The following KALRN variants were observed in gnomAD, a reference collection of about 807,000 sequenced individuals.
The protein encoded by KALRN is kalirin RhoGEF kinase.
In KALRN, 70 loss-of-function variants were observed where a neutral mutation model predicts 353.7. The observed-to-expected ratio is 0.20, with a 90% confidence interval of 0.16 to 0.24. KALRN has a LOEUF of 0.24. KALRN is among the 10% of genes least tolerant of loss of function. The pLI, the probability that KALRN is intolerant of heterozygous loss-of-function variation, is 1.00. For missense variants in KALRN, 2,791 were observed against 3,756.7 expected, an observed-to-expected ratio of 0.74 and a Z score of 6.72; for synonymous variants, 1,391 against 1,434.8, an observed-to-expected ratio of 0.97 and a Z score of 0.69.
intron 1 of KALRN, among the ~76,000 whole-genome samples, chr3:124,174,364 G>A (rs533410607): frequency 2.0e-5 from 3 of 152,252 alleles, no homozygotes; most frequent in African/African-American, 7.2e-5. Flanking sequence ...AACCCGGGAG[G>A]CAGAGGTTGC....
intron 6 of KALRN, among the ~76,000 whole-genome samples, chr3:124,319,105 G>T (rs915422457): frequency 1.3e-5 from 2 of 151,900 alleles, no homozygotes; most frequent in African/African-American, 4.8e-5. Context: ...AAGAGATGGG[G>T]ACATTTGAGT....
At chr3:124,154,666 C>T (rs1284940985) in intron 1 of KALRN, among the ~76,000 whole-genome samples, 2 of 152,138 alleles carry the variant, frequency 1.3e-5, no homozygotes, top group African/African-American at 2.4e-5. Flanking sequence ...GAATCAATAT[C>T]GTGAAAATGG....
At chr3:124,245,820 T>A (rs2081062727) in intron 3 of KALRN, among the ~76,000 whole-genome samples, 1 of 152,228 alleles carries the variant, frequency 6.6e-6, no homozygotes, top group Admixed American at 6.5e-5. Context: ...TATCTTCTTT[T>A]GAGAAATGTC....
intron 3 of KALRN, among the ~76,000 whole-genome samples, chr3:124,255,094 T>A (rs1178914202): frequency 6.6e-6 from 1 of 152,098 alleles, no homozygotes; most frequent in East Asian, 1.9e-4. Flanking sequence ...TACAGTCTCC[T>A]GCCACCACAC....
intron 1 of KALRN, among the ~76,000 whole-genome samples, chr3:124,200,901 A>T (rs1443924249): frequency 6.6e-6 from 1 of 152,096 alleles, no homozygotes; most frequent in Non-Finnish European, 1.5e-5. Context: ...TATTCCAAAA[A>T]CCTCTTTCCT....
rs962321198 is a variant in KALRN at position 124,629,397 on chromosome 3, T to C, written c.5183-3023T>C. ...CAGTAACAACAACAACAAAAAAAAC[T>C]CTTTTTATCATGTCATTTCCCAGTA... On this transcript the variant is annotated intron_variant, in intron 34 of 59. Coordinates refer to ENST00000682506, the MANE Select transcript of KALRN (RefSeq NM_001388419.1). Among the ~76,000 whole-genome samples, 4 of 152,176 alleles carry C rather than the reference T, an allele frequency of 2.6e-5. No homozygotes were observed. In the East Asian group the frequency reaches 5.8e-4, roughly 22 times the overall value.
chr3:124,242,392 G>A (rs77262421), intron 3 of KALRN, among the ~76,000 whole-genome samples: 2,865 of 152,314 alleles, frequency 0.019, 91 homozygotes, highest in African/African-American at 0.065. Context: ...CTGGCACACA[G>A]TCAGTATGAT....
intron 5 of KALRN, among the ~76,000 whole-genome samples, chr3:124,274,972 G>A (rs941141813): frequency 1.3e-5 from 2 of 152,286 alleles, no homozygotes; most frequent in Non-Finnish European, 2.9e-5. Context: ...GGGGTGACAC[G>A]TATCAATTGT....
chr3:124,606,822 C>T (rs750517092), intron 34 of KALRN, among the ~76,000 whole-genome samples: 1 of 151,878 alleles, frequency 6.6e-6, no homozygotes, highest in Non-Finnish European at 1.5e-5. Context: ...AGGGCAAAAG[C>T]GATGAAGATG....
At chr3:124,069,621 C>G (rs1348172357) in intron 1 of KALRN, among the ~76,000 whole-genome samples, 1 of 152,050 alleles carries the variant, frequency 6.6e-6, no homozygotes, top group East Asian at 1.9e-4. Flanking sequence ...TAAGAGAGTC[C>G]TTCATTGTGC....
At chr3:124,116,156 C>A (rs2063439844) in intron 1 of KALRN, among the ~76,000 whole-genome samples, 1 of 152,200 alleles carries the variant, frequency 6.6e-6, no homozygotes, top group African/African-American at 2.4e-5. Flanking sequence ...GGCCAGATAT[C>A]TTCTCTTTGG....
At chr3:124,626,119 A>G (rs1242644188) in intron 34 of KALRN, among the ~76,000 whole-genome samples, 1 of 152,216 alleles carries the variant, frequency 6.6e-6, no homozygotes, top group Admixed American at 6.5e-5. Context: ...CTAGATCTAC[A>G]TGTATGAACA....
chr3:124,591,494 T>C (rs1223530248), intron 34 of KALRN, among the ~76,000 whole-genome samples: 2 of 152,216 alleles, frequency 1.3e-5, no homozygotes, highest in East Asian at 3.8e-4. Context: ...TGAACATTGC[T>C]TTTTGTGTAA....
chr3:124,471,256 T>TTTTTTTTTA (rs377604411), intron 25 of KALRN, among the ~76,000 whole-genome samples: 42 of 138,806 alleles, frequency 3.0e-4, no homozygotes, highest in African/African-American at 1.0e-3. Flanking sequence ...CCCACAAAGT[T>TTTTTTTTTA]TTATTATTAT....
intron 10 of KALRN, among the ~76,000 whole-genome samples, chr3:124,370,698 T>A (rs1036231132): frequency 6.6e-6 from 1 of 152,248 alleles, no homozygotes; most frequent in African/African-American, 2.4e-5. Context: ...TGATCACACT[T>A]GTTTAAAATC....
At chr3:124,157,831 T>C (rs1309138864) in intron 1 of KALRN, among the ~76,000 whole-genome samples, 1 of 152,200 alleles carries the variant, frequency 6.6e-6, no homozygotes, top group Non-Finnish European at 1.5e-5. Context: ...TTGTCTTAAC[T>C]GCATTCAGAA....
At chr3:124,204,400 T>G (rs2076223059) in intron 1 of KALRN, among the ~76,000 whole-genome samples, 1 of 152,210 alleles carries the variant, frequency 6.6e-6, no homozygotes, top group Non-Finnish European at 1.5e-5. Flanking sequence ...ATTAAAACAC[T>G]AATTTCTTTA....
At chr3:124,091,634 G>A (rs550898054) in intron 1 of KALRN, among the ~76,000 whole-genome samples, 15 of 152,246 alleles carry the variant, frequency 9.9e-5, no homozygotes, top group African/African-American at 3.6e-4. Flanking sequence ...ACATCCGGAT[G>A]GGCATCAGCC....
intron 6 of KALRN, among the ~76,000 whole-genome samples, chr3:124,315,684 C>T (rs2149335671): frequency 6.6e-6 from 1 of 152,116 alleles, no homozygotes; most frequent in Non-Finnish European, 1.5e-5. Flanking sequence ...TACACATACT[C>T]ATCTATGGCC....
Sources: allele counts gnomAD v4.1 joint callset (sites outside exome capture counted in the v4.1 genomes callset), GRCh38; gene constraint gnomAD v4.1.1; transcripts MANE v1.5; gene names NCBI Gene and HGNC (gene_info 2026-07-23, HGNC 2026-07-21).